SYNDIG1: variants seen among roughly 807,000 people sequenced by gnomAD.
The protein encoded by SYNDIG1 is synapse differentiation-inducing gene protein 1.
In SYNDIG1, 9 loss-of-function variants were observed where a neutral mutation model predicts 19.4. The ratio of observed to expected loss-of-function variants is 0.46; its 90% CI spans 0.28 to 0.81. The LOEUF is 0.81. Ranked by LOEUF, SYNDIG1 falls within the 30% of genes least tolerant of loss-of-function variation. The probability of loss-of-function intolerance (pLI) is 0.12; values close to 1 mark genes in which losing one functional copy is unlikely to be tolerated. For synonymous variants in SYNDIG1, 141 were observed against 145.9 expected, an observed-to-expected ratio of 0.97 and a Z score of 0.24; for missense variants, 311 against 343.3, an observed-to-expected ratio of 0.91 and a Z score of 0.74.
chr20:24,586,206 C>T (rs1383143322), intron 3 of SYNDIG1, among the ~76,000 whole-genome samples: 1 of 152,144 alleles, frequency 6.6e-6, no homozygotes, highest in Non-Finnish European at 1.5e-5. Flanking sequence ...GAAGCTTTTG[C>T]AGGCAGGGGT....
intron 2 of SYNDIG1, among the ~76,000 whole-genome samples, chr20:24,565,549 T>C (rs1445874968): frequency 6.6e-6 from 1 of 152,162 alleles, no homozygotes; most frequent in Non-Finnish European, 1.5e-5. Flanking sequence ...TGTTTCTCAA[T>C]GTGGTAGATG....
At chr20:24,547,956 G>A (rs965265342) in intron 2 of SYNDIG1, among the ~76,000 whole-genome samples, 2 of 152,194 alleles carry the variant, frequency 1.3e-5, no homozygotes, top group African/African-American at 4.8e-5. Flanking sequence ...CAGACCTGAA[G>A]TACATGACGG....
At chr20:24,537,104 T>C (rs2057377295) in intron 1 of SYNDIG1, among the ~76,000 whole-genome samples, 1 of 152,194 alleles carries the variant, frequency 6.6e-6, no homozygotes, top group Non-Finnish European at 1.5e-5. Context: ...TTGCTTACTA[T>C]GAGCCTCTAA....
intron 3 of SYNDIG1, 123 bp downstream of exon 3, chr20:24,585,116 G>A (rs1030016828): frequency 9.2e-6 from 12 of 1,309,416 alleles, no homozygotes; most frequent in African/African-American, 2.9e-5. Flanking sequence ...CAGCTGGGTC[G>A]GCACTTGCCC....
At chr20:24,652,545 G>C (rs1017627542) in intron 3 of SYNDIG1, among the ~76,000 whole-genome samples, 3 of 152,212 alleles carry the variant, frequency 2.0e-5, no homozygotes, top group Admixed American at 6.5e-5. Flanking sequence ...CAGTTTCCAA[G>C]TGACCAAATG....
chr20:24,602,516 G>A (rs984195950), intron 3 of SYNDIG1, among the ~76,000 whole-genome samples: 1 of 152,032 alleles, frequency 6.6e-6, no homozygotes, highest in African/African-American at 2.4e-5. Flanking sequence ...CCTCTTCACT[G>A]GGCTCTGAAA....
intron 3 of SYNDIG1, among the ~76,000 whole-genome samples, chr20:24,648,194 C>T (rs1225879822): frequency 6.6e-6 from 1 of 152,194 alleles, no homozygotes; most frequent in Non-Finnish European, 1.5e-5. Flanking sequence ...CAGTCCATAG[C>T]AGTTTGGCTC....
intron 3 of SYNDIG1, among the ~76,000 whole-genome samples, chr20:24,632,701 G>A (rs191399568): frequency 9.7e-4 from 147 of 152,290 alleles, no homozygotes; most frequent in East Asian, 9.7e-4. Flanking sequence ...CCCTGCTGTC[G>A]TGAGCGGGGA....
intron 3 of SYNDIG1, among the ~76,000 whole-genome samples, chr20:24,654,699 A>AGGAAGGAG (rs1340642145): frequency 1.3e-5 from 2 of 149,526 alleles, no homozygotes; most frequent in African/African-American, 4.9e-5. Context: ...GAAGGAAGGA[A>AGGAAGGAG]GAGTTAGAGA....
intron 3 of SYNDIG1, among the ~76,000 whole-genome samples, chr20:24,607,424 A>T (rs1450225175): frequency 6.6e-6 from 1 of 151,544 alleles, no homozygotes; most frequent in Non-Finnish European, 1.5e-5. Context: ...GGCTGATGAG[A>T]GTCCCAGTTG....
At chr20:24,554,027 G>C (rs199534180) in intron 2 of SYNDIG1, among the ~76,000 whole-genome samples, 5 of 152,210 alleles carry the variant, frequency 3.3e-5, no homozygotes, top group East Asian at 1.9e-4. Flanking sequence ...TCCTTCACAT[G>C]CCTTGTAAGT....
At chr20:24,655,574 G>T (rs940626401) in intron 3 of SYNDIG1, among the ~76,000 whole-genome samples, 3 of 152,184 alleles carry the variant, frequency 2.0e-5, no homozygotes, top group Non-Finnish European at 4.4e-5. Context: ...AAGAGCCTCA[G>T]AGGTAGAGAA....
intron 3 of SYNDIG1, among the ~76,000 whole-genome samples, chr20:24,590,785 G>A (rs1487350584): frequency 6.6e-6 from 1 of 152,210 alleles, no homozygotes; most frequent in Non-Finnish European, 1.5e-5. Flanking sequence ...GCCGAGGGTA[G>A]GAGTGTAAGG....
chr20:24,484,424 C>G (rs1437802602), intron 1 of SYNDIG1, among the ~76,000 whole-genome samples: 1 of 152,128 alleles, frequency 6.6e-6, no homozygotes, highest in Non-Finnish European at 1.5e-5. Flanking sequence ...GTCAAGGCTC[C>G]GGTTTGAGTT....
chr20:24,601,817 G>C (rs192825916), intron 3 of SYNDIG1, among the ~76,000 whole-genome samples: 356 of 152,168 alleles, frequency 2.3e-3, no homozygotes, highest in Non-Finnish European at 2.6e-3. Context: ...ACATCCTTTA[G>C]AATTTCCTTT....
intron 3 of SYNDIG1, among the ~76,000 whole-genome samples, chr20:24,632,725 C>T (rs2059262674): frequency 6.6e-6 from 1 of 152,194 alleles, no homozygotes; most frequent in Admixed American, 6.5e-5. Context: ...AGCAGGAAGC[C>T]TTGCTTCCCT....
At chr20:24,522,072 TTCTA>T (rs1335259550) in intron 1 of SYNDIG1, among the ~76,000 whole-genome samples, 2 of 152,038 alleles carry the variant, frequency 1.3e-5, no homozygotes, top group African/African-American at 4.8e-5. Flanking sequence ...GTTCATCCTG[TTCTA>T]TCTTTTTTTC....
chr20:24,574,665 A>T (rs888492909), intron 2 of SYNDIG1, among the ~76,000 whole-genome samples: 3 of 152,216 alleles, frequency 2.0e-5, no homozygotes, highest in African/African-American at 7.2e-5. Flanking sequence ...GCCTATAGCT[A>T]GTTAAAAGAC....
chr20:24,662,129 T>G (rs910007791), intron 3 of SYNDIG1, among the ~76,000 whole-genome samples: 9 of 151,798 alleles, frequency 5.9e-5, no homozygotes, highest in Non-Finnish European at 1.0e-4. Context: ...CCAGCGGTGG[T>G]ACGAGGTGGC....
Sources: allele counts gnomAD v4.1 joint callset (sites outside exome capture counted in the v4.1 genomes callset), GRCh38; gene constraint gnomAD v4.1.1; transcripts MANE v1.5; gene names NCBI Gene and HGNC (gene_info 2026-07-23, HGNC 2026-07-21).